NLRP3: variants seen among roughly 807,000 people sequenced by gnomAD.
NLRP3 encodes the protein NACHT, LRR and PYD domains-containing protein 3.
Under a neutral mutation model 91.3 loss-of-function variants are expected in NLRP3, and 48 were observed. The ratio of observed to expected loss-of-function variants is 0.53; its 90% CI spans 0.42 to 0.67. The LOEUF (loss-of-function observed/expected upper bound fraction) is 0.67, where lower values mean the gene tolerates loss of function less well. NLRP3 is among the 30% of genes least tolerant of loss of function. The pLI is 0.00. For synonymous variants in NLRP3, 561 were observed against 507.9 expected (o/e 1.10, Z -1.41); for missense variants, 982 against 1,276.9 (o/e 0.77, Z 3.52).
Position 247,423,357 on chromosome 1 carries a change from A to C in NLRP3, c.397+8A>C. 1 of 1,613,828 alleles carries C rather than the reference A, an allele frequency of 6.2e-7. No individual in the cohort carries two copies. The highest frequency in any genetic ancestry group is 1.1e-5 in the South Asian group (1 of 91,032). On this transcript the variant is annotated splice_region_variant and intron_variant, in intron 3 of 9. Transcript: ENST00000336119. ...TTTGTAAAATGAAGAAAGGTAAGCG[A>C]CTGGGGTGGTGCTTCTAGTTGAGTT... is the stretch of plus-strand genomic sequence containing the variant.
At chr1:247,429,518 C>T (rs1215077532) in intron 4 of NLRP3, 67 bp from the exon 5 acceptor site, 12 of 1,569,252 alleles carry the variant, frequency 7.6e-6, no homozygotes, top group Non-Finnish European at 8.8e-6. Flanking sequence ...GCACCCCGGC[C>T]CCCAGCTCCA....
At chr1:247,433,598 C>A (rs1663511240) in intron 5 of NLRP3, among the ~76,000 whole-genome samples, 1 of 152,206 alleles carries the variant, frequency 6.6e-6, no homozygotes, top group East Asian at 1.9e-4. Context: ...GCTCTCTGGT[C>A]AGGTGTATTC....
In NLRP3 at chr1:247,418,518, T is replaced by C. The variant is rs1417991006; in HGVS notation, c.-283T>C. On this transcript the variant is annotated 5_prime_UTR_variant, in exon 2 of 10. Transcript: ENST00000336119. ...AGTTTTGCCATGTTGGCCAGGCTGG[T>C]CTTGAATTCCTCAGCTCAGGTGATC... 2 of 427,912 alleles carry C rather than the reference T, an allele frequency of 4.7e-6. No individual in the cohort carries two copies. Among genetic ancestry groups the C allele is most frequent in the Admixed American group, 7.1e-5 (2 of 28,286 alleles). The allele number at this position is 427,912 out of a possible 1,614,324, so 26.5% of individuals were successfully genotyped here.
intron 7 of NLRP3, among the ~76,000 whole-genome samples, chr1:247,442,455 G>A (rs1413338278): frequency 6.6e-6 from 1 of 152,144 alleles, no homozygotes; most frequent in Non-Finnish European, 1.5e-5. Flanking sequence ...CTTCCTGGGT[G>A]ATAGAATGGG....
intron 2 of NLRP3, among the ~76,000 whole-genome samples, chr1:247,420,245 C>T (rs923683623): frequency 6.6e-5 from 10 of 152,110 alleles, no homozygotes; most frequent in Non-Finnish European, 1.3e-4. Flanking sequence ...GTTCTTTTCT[C>T]ATTTTCAGAC....
At chr1:247,427,332 C>T (rs987999561) in intron 4 of NLRP3, among the ~76,000 whole-genome samples, 4 of 152,020 alleles carry the variant, frequency 2.6e-5, no homozygotes, top group African/African-American at 9.7e-5. Flanking sequence ...AACATTCAGA[C>T]CATAGAAATG....
At chr1:247,431,639 C>A (rs139523098) in intron 5 of NLRP3, among the ~76,000 whole-genome samples, 3 of 152,180 alleles carry the variant, frequency 2.0e-5, no homozygotes, top group Non-Finnish European at 4.4e-5. Context: ...TGGTCAAAAG[C>A]ACGCACTGAA....
intron 2 of NLRP3, among the ~76,000 whole-genome samples, chr1:247,421,224 G>A (rs1662435019): frequency 6.6e-6 from 1 of 152,174 alleles, no homozygotes; most frequent in Non-Finnish European, 1.5e-5. Flanking sequence ...TGATGGGAAG[G>A]AGGAGTACAA....
chr1:247,442,709 T>C (rs994732061), intron 7 of NLRP3, among the ~76,000 whole-genome samples: 13 of 152,180 alleles, frequency 8.5e-5, no homozygotes, highest in African/African-American at 3.1e-4. Flanking sequence ...AGATTTCTAA[T>C]ATGTAAAATG....
intron 7 of NLRP3, among the ~76,000 whole-genome samples, chr1:247,443,401 G>A (rs576504773): frequency 3.9e-5 from 6 of 152,272 alleles, no homozygotes; most frequent in African/African-American, 1.2e-4. Context: ...ATTTGGGGGC[G>A]CAGGAAGGCG....
chr1:247,419,919 C>T (rs7512998), intron 2 of NLRP3, among the ~76,000 whole-genome samples: 126,109 of 152,116 alleles, frequency 0.83, 52,382 homozygotes, highest in East Asian at 0.93. Context: ...TTTGAATTCT[C>T]TGGGGTATAT....
At chr1:247,443,111 G>A (rs1310919960) in intron 7 of NLRP3, among the ~76,000 whole-genome samples, 1 of 152,124 alleles carries the variant, frequency 6.6e-6, no homozygotes, top group African/African-American at 2.4e-5. Flanking sequence ...TTTTAGTAGA[G>A]ATGGGCTTTC....
At chr1:247,434,909 C>T (rs1663672032) in intron 6 of NLRP3, among the ~76,000 whole-genome samples, 1 of 152,162 alleles carries the variant, frequency 6.6e-6, no homozygotes, top group Non-Finnish European at 1.5e-5. Context: ...TACAGAATTA[C>T]TACTGGAGCC....
intron 5 of NLRP3, among the ~76,000 whole-genome samples, chr1:247,432,477 T>C (rs1322997500): frequency 6.6e-6 from 1 of 152,224 alleles, no homozygotes. Flanking sequence ...TAGATCACAC[T>C]CTTCATCTTT....
intron 9 of NLRP3, among the ~76,000 whole-genome samples, chr1:247,447,577 G>A (rs575612846): frequency 1.1e-4 from 17 of 152,338 alleles, no homozygotes; most frequent in Admixed American, 5.2e-4. Context: ...AGAGGAGGAA[G>A]AACTTACATC....
chr1:247,423,384 T>C, intron 3 of NLRP3, 35 bp downstream of exon 3: 1 of 1,613,112 alleles, frequency 6.2e-7, no homozygotes, highest in Non-Finnish European at 8.5e-7. Flanking sequence ...AGTTGAGTTT[T>C]AAGACCTGGT....
chr1:247,429,632 C>T lies in NLRP3; in HGVS notation c.2198C>T (p.Ser733Leu), dbSNP rs2103132372. 1.2e-6 allele frequency: 2 copies of T among 1,614,188 alleles called. No individual in the cohort carries two copies. Among genetic ancestry groups the T allele is most frequent in the Non-Finnish European group, 1.7e-6 (2 of 1,180,032 alleles). ...TCCAGTTTTTGCCGGGGCCTCTTTTCAGTTCTGAGCACCAGCCAGAGTCTA... is the reference window on the plus strand; with the variant it reads ...TCCAGTTTTTGCCGGGGCCTCTTTTTAGTTCTGAGCACCAGCCAGAGTCTA... ...LTSSFCRGLFSVLSTSQSLTE... is the reference protein window; with the variant it reads ...LTSSFCRGLFLVLSTSQSLTE... The change falls in exon 5 of 10, where the codon TCA becomes TTA. Residue 733 changes from serine to leucine, a missense_variant. Coordinates refer to ENST00000336119, the MANE Select transcript of NLRP3 (RefSeq NM_001243133.2).
At chr1:247,440,283 G>A (rs112517759) in intron 7 of NLRP3, among the ~76,000 whole-genome samples, 138 of 152,178 alleles carry the variant, frequency 9.1e-4, no homozygotes, top group African/African-American at 2.8e-3. Flanking sequence ...TTCCACCCCC[G>A]TTCTCTGACC....
intron 4 of NLRP3, among the ~76,000 whole-genome samples, chr1:247,427,334 A>G (rs1558194734): frequency 1.3e-5 from 2 of 152,240 alleles, no homozygotes; most frequent in African/African-American, 2.4e-5. Flanking sequence ...CATTCAGACC[A>G]TAGAAATGGG....
Sources: gnomAD v4.1 joint callset for allele counts (sites outside exome capture counted in the v4.1 genomes callset) on GRCh38, gnomAD v4.1.1 for gene constraint, MANE v1.5 for transcripts, NCBI Gene and HGNC (gene_info 2026-07-23, HGNC 2026-07-21) for gene names.